The following SMS variants were observed in gnomAD, a reference collection of about 807,000 sequenced individuals.
The protein encoded by SMS is spermine synthase.
Under a neutral mutation model 33.0 loss-of-function variants are expected in SMS, and 3 were observed. That is an observed-to-expected ratio of 0.09 (90% CI 0.04 to 0.23). SMS has a LOEUF of 0.23. SMS is among the 10% of genes least tolerant of loss of function. The probability of loss-of-function intolerance (pLI) is 1.00; values close to 1 mark genes in which losing one functional copy is unlikely to be tolerated. For synonymous variants in SMS, 103 were observed against 112.2 expected, an observed-to-expected ratio of 0.92 and a Z score of 0.52; for missense variants, 117 against 288.6, an observed-to-expected ratio of 0.41 and a Z score of 4.31.
intron 1 of SMS, among the ~76,000 whole-genome samples, chrX:21,961,944 C>T (rs183041359): frequency 8.9e-6 from 1 of 112,545 alleles, no homozygotes; most frequent in African/African-American, 3.2e-5. Context: ...GTGTGATGAG[C>T]TCTGTTAGCA....
At chrX:21,974,252 AG>A (rs1002388243) in intron 4 of SMS, among the ~76,000 whole-genome samples, 2 of 112,475 alleles carry the variant, frequency 1.8e-5, no homozygotes, top group African/African-American at 3.2e-5. Flanking sequence ...TAAGATAACT[AG>A]GTAATTGTTT....
intron 4 of SMS, among the ~76,000 whole-genome samples, chrX:21,972,893 T>A (rs1050016021): frequency 1.2e-5 from 1 of 85,594 alleles, no homozygotes; most frequent in Admixed American, 1.5e-4. Flanking sequence ...CACTCCTGCC[T>A]GGGTGACACA....
At chrX:21,981,846 A>G (rs1290070425) in intron 7 of SMS, among the ~76,000 whole-genome samples, 2 of 111,712 alleles carry the variant, frequency 1.8e-5, no homozygotes, top group African/African-American at 6.5e-5. Flanking sequence ...TCAAACTGTT[A>G]ATGGTATTAT....
intron 1 of SMS, among the ~76,000 whole-genome samples, chrX:21,952,005 T>C (rs1255460276): frequency 8.9e-6 from 1 of 112,103 alleles, no homozygotes; most frequent in Admixed American, 9.5e-5. Context: ...TCTTGTTGCA[T>C]ATATAACAAT....
At chrX:21,944,522 C>CAAAAAAAAAAAAA (rs777680386) in intron 1 of SMS, among the ~76,000 whole-genome samples, 31 of 34,643 alleles carry the variant, frequency 8.9e-4, no homozygotes, top group East Asian at 1.0e-3. Flanking sequence ...CCTGTCTCTA[C>CAAAAAAAAAAAAA]AAAAAAAAAA....
At chrX:21,990,193 G>C (rs1172813283) in intron 9 of SMS, among the ~76,000 whole-genome samples, 1 of 112,335 alleles carries the variant, frequency 8.9e-6, no homozygotes, top group Admixed American at 9.4e-5. Context: ...CCAGCATTTG[G>C]GGAGGCTAAG....
intron 1 of SMS, among the ~76,000 whole-genome samples, chrX:21,948,336 G>T (rs748730408): frequency 9.1e-6 from 1 of 110,478 alleles, no homozygotes; most frequent in South Asian, 3.9e-4. Context: ...AAGGCGCTAG[G>T]AGTGACCCCC....
intron 1 of SMS, among the ~76,000 whole-genome samples, chrX:21,945,237 G>A (rs1224810324): frequency 8.9e-6 from 1 of 111,759 alleles, no homozygotes; most frequent in East Asian, 2.8e-4. Context: ...TATGGTAAAG[G>A]TGGAATGCTG....
intron 7 of SMS, among the ~76,000 whole-genome samples, chrX:21,983,927 A>G (rs1428239688): frequency 8.9e-6 from 1 of 111,750 alleles, no homozygotes; most frequent in East Asian, 2.8e-4. Flanking sequence ...ACAGATAGTG[A>G]TAGGAGAGGC....
At chrX:21,975,350 T>G (rs1039160761) in intron 4 of SMS, among the ~76,000 whole-genome samples, 1 of 112,010 alleles carries the variant, frequency 8.9e-6, no homozygotes, top group Admixed American at 9.4e-5. Flanking sequence ...AGAGTTACAA[T>G]GTAGGAAAGA....
At chrX:21,983,069 C>T (rs1925079761) in intron 7 of SMS, among the ~76,000 whole-genome samples, 1 of 111,224 alleles carries the variant, frequency 9.0e-6, no homozygotes, top group Admixed American at 9.6e-5. Flanking sequence ...AGGTCTTGCT[C>T]TGTCACTCAG....
chrX:21,960,488 A>G (rs149052108), intron 1 of SMS, among the ~76,000 whole-genome samples: 1,669 of 111,039 alleles, frequency 0.015, 32 homozygotes, highest in African/African-American at 0.053. Context: ...CAGAAGTTCT[A>G]CATTCAGTGA....
intron 1 of SMS, among the ~76,000 whole-genome samples, chrX:21,960,964 G>A (rs1275725165): frequency 9.1e-6 from 1 of 109,623 alleles, no homozygotes; most frequent in East Asian, 2.8e-4. Flanking sequence ...GCCTCTAATG[G>A]AATTTAGTTT....
intron 9 of SMS, among the ~76,000 whole-genome samples, chrX:21,989,694 C>T (rs757610220): frequency 2.4e-4 from 27 of 111,588 alleles, no homozygotes; most frequent in Non-Finnish European, 4.5e-4. Flanking sequence ...TTTCCATCCA[C>T]GAATCAATCA....
intron 1 of SMS, among the ~76,000 whole-genome samples, chrX:21,946,241 AG>A (rs1406530192): frequency 2.7e-5 from 3 of 111,684 alleles, no homozygotes; most frequent in African/African-American, 9.8e-5. Flanking sequence ...CAGGCTGGGG[AG>A]GGGGAGGACT....
chrX:21,984,562 G>A lies in SMS; in HGVS notation c.865+144G>A, dbSNP rs1925197904. The A allele has an allele frequency of 3.2e-5, 16 of 492,662 alleles. 1 individual carries two copies. In the South Asian group the frequency reaches 4.4e-4, roughly 13 times the overall value. 40.6% of individuals were successfully genotyped at this position (492,662 alleles called of 1,213,427 possible). ...GAGGTCCATGGTGGAAAGATGACTG[G>A]ATTTGGCTTCAATTCCTGTTCTGCC... On this transcript the variant is annotated intron_variant, in intron 8 of 10. Transcript: ENST00000404933.
intron 7 of SMS, among the ~76,000 whole-genome samples, chrX:21,983,171 C>T (rs181081511): frequency 3.2e-4 from 35 of 110,688 alleles, no homozygotes; most frequent in Admixed American, 3.1e-3. Context: ...TCCTGAGTAG[C>T]CGGGACTACA....
intron 9 of SMS, among the ~76,000 whole-genome samples, chrX:21,991,542 T>A (rs772281251): frequency 8.9e-6 from 1 of 112,130 alleles, no homozygotes; most frequent in Non-Finnish European, 1.9e-5. Flanking sequence ...GAATACCAAC[T>A]TCAGAGATTA....
intron 1 of SMS, among the ~76,000 whole-genome samples, chrX:21,960,324 T>C: frequency 9.1e-6 from 1 of 110,196 alleles, no homozygotes; most frequent in Non-Finnish European, 1.9e-5. Flanking sequence ...TAGAAATTCA[T>C]CTCCCAATTT....
Sources: gnomAD v4.1 joint callset for allele counts (sites outside exome capture counted in the v4.1 genomes callset) on GRCh38, gnomAD v4.1.1 for gene constraint, MANE v1.5 for transcripts, NCBI Gene and HGNC (gene_info 2026-07-23, HGNC 2026-07-21) for gene names.